Variants in HEXA observed in about 807,000 individuals in gnomAD.
HEXA encodes the protein beta-hexosaminidase subunit alpha.
Under a neutral mutation model 73.3 loss-of-function variants are expected in HEXA, and 54 were observed. That is an observed-to-expected ratio of 0.74 (90% CI 0.59 to 0.92). The LOEUF (loss-of-function observed/expected upper bound fraction) is 0.92, where lower values mean the gene tolerates loss of function less well. Among genes scored for constraint, HEXA ranks in the 40% least tolerant of loss-of-function variants. The probability of loss-of-function intolerance (pLI) is 0.00; values close to 1 mark genes in which losing one functional copy is unlikely to be tolerated. For synonymous variants in HEXA, 230 were observed against 246.9 expected (o/e 0.93, Z 0.64); for missense variants, 649 against 653.0 (o/e 0.99, Z 0.07).
In HEXA at chr15:72,353,744, A is replaced by C; in HGVS notation, c.413-7T>G. ...TGGCTAAAAGTCTCCAGACCTAGGA[A>C]GATGTAGAGAGGCAGAGTAAAGACT... is the stretch of plus-strand genomic sequence containing the variant. On this transcript the variant is annotated splice_region_variant and splice_polypyrimidine_tract_variant and intron_variant, in intron 3 of 13. Transcript: ENST00000268097. The C allele has an allele frequency of 6.2e-7, 1 of 1,605,298 alleles. No homozygotes were observed. Among genetic ancestry groups the C allele is most frequent in the South Asian group, 1.1e-5 (1 of 90,872 alleles).
intron 6 of HEXA, 165 bp downstream of exon 6, chr15:72,350,968 G>A (rs1195544348): frequency 4.4e-6 from 3 of 679,554 alleles, no homozygotes; most frequent in African/African-American, 1.8e-5. Flanking sequence ...TATCGGCAAA[G>A]TTTTGGACTT....
chr15:72,374,239 C>T (rs1043060430), intron 1 of HEXA, among the ~76,000 whole-genome samples: 1 of 151,968 alleles, frequency 6.6e-6, no homozygotes, highest in Non-Finnish European at 1.5e-5. Context: ...TTCCATAAAC[C>T]AGGCTCAAAC....
At position 72,346,240 on chromosome 15, in the gene HEXA, C is replaced by G. The variant is rs369117208; in HGVS notation, c.1416G>C (p.Arg472Ser). The stretch of plus-strand genomic sequence containing the variant: ...TCCCCCCCGAAAACCCTTACCAGAG[C>G]CTGGGGACCAGGTTTGTGTTGTCCA... ...EYVDNTNLVP[R>S]LWPRAGAVAE... Residue 472 changes from arginine to serine, a missense_variant, in exon 12 of 14, where the codon AGG becomes AGC. By Grantham distance (110) the Arg-to-Ser change is moderately radical. Coordinates refer to ENST00000268097, the MANE Select transcript of HEXA (RefSeq NM_000520.6). 2.5e-5 allele frequency: 40 copies of G among 1,613,110 alleles called. No individual in the cohort carries two copies. The African/African-American group carries it at 5.1e-4, about 20-fold the overall frequency.
chr15:72,344,078 C>G lies in HEXA; in HGVS notation c.1589G>C (p.Ter530SerextTer12). ...GFCEQEFEQT[*>S] Reference sequence around the variant, plus strand: ...AGCACCCTCCTCGGTGCCTGGGGCTCAGGTCTGTTCAAACTCCTGCTCACA... The same window carrying G: ...AGCACCCTCCTCGGTGCCTGGGGCTGAGGTCTGTTCAAACTCCTGCTCACA... Residue 530 changes from the stop codon to serine (S), a stop_lost, in exon 14 of 14, where the codon TGA (stop) becomes TCA (serine). Coordinates refer to ENST00000268097, the MANE Select transcript of HEXA (RefSeq NM_000520.6). 1 of 1,613,562 alleles carries G rather than the reference C, an allele frequency of 6.2e-7. No homozygotes were observed. The highest frequency in any genetic ancestry group is 8.5e-7 in the Non-Finnish European group (1 of 1,179,614).
At chr15:72,370,240 G>A (rs1433127964) in intron 1 of HEXA, 2 of 169,448 alleles carry the variant, frequency 1.2e-5, no homozygotes, top group Non-Finnish European at 2.5e-5. Context: ...GTCCTCCAAT[G>A]TATACTGTGT....
At chr15:72,370,960 C>T (rs570549790) in intron 1 of HEXA, among the ~76,000 whole-genome samples, 3 of 152,200 alleles carry the variant, frequency 2.0e-5, no homozygotes, top group Admixed American at 6.5e-5. Flanking sequence ...ACCTTCTTCC[C>T]GTGTTGTTTT....
intron 10 of HEXA, among the ~76,000 whole-genome samples, chr15:72,347,214 T>TTTTTTTTTTTTTTTTTTTTTG (rs2088627428): frequency 8.4e-6 from 1 of 119,316 alleles, no homozygotes; most frequent in Non-Finnish European, 1.9e-5. Flanking sequence ...AGTTCTTAAT[T>TTTTTTTTTTTTTTTTTTTTTG]AAGTTTGTAG....
At chr15:72,348,225 C>G in intron 8 of HEXA, 91 bp from the exon 9 acceptor site, 2 of 848,036 alleles carry the variant, frequency 2.4e-6, no homozygotes, top group Non-Finnish European at 4.0e-6. Context: ...ATAACTTCCT[C>G]TTTTCACCTG....
Position 72,347,553 on chromosome 15 carries a change from G to C in HEXA, c.1146+133C>G, listed in dbSNP as rs552226313. ...CAGCACTCTGTGGCCTTTCTAGAGA[G>C]AAAAGGAGAGTGCTCCGACCATTAA... On this transcript the variant is annotated intron_variant, in intron 10 of 13. Coordinates refer to ENST00000268097, the MANE Select transcript of HEXA (RefSeq NM_000520.6). 2.7e-5 allele frequency: 21 copies of C among 773,372 alleles called. No homozygotes were observed. The African/African-American group carries it at 3.3e-4, about 12-fold the overall frequency. The allele number at this position is 773,372 out of a possible 1,614,324, so 47.9% of individuals were successfully genotyped here. A position where few individuals can be genotyped will look rare whatever the true frequency, so the allele number is the denominator to read the frequency against.
At chr15:72,345,409 C>A (rs1193726907) in intron 13 of HEXA, 37 bp downstream of exon 13, 1 of 1,613,344 alleles carries the variant, frequency 6.2e-7, no homozygotes, top group African/African-American at 1.3e-5. Flanking sequence ...CTGGATCTGG[C>A]CTGCTCCGCC....
At chr15:72,351,307 C>T (rs971528702) in intron 5 of HEXA, 73 bp from the exon 6 acceptor site, 23 of 1,021,014 alleles carry the variant, frequency 2.3e-5, no homozygotes, top group Middle Eastern at 2.0e-4. Context: ...CGATGTTGGG[C>T]GAGCTCTCAG....
At chr15:72,364,269 CA>C (rs933909060) in intron 1 of HEXA, among the ~76,000 whole-genome samples, 4 of 150,330 alleles carry the variant, frequency 2.7e-5, no homozygotes, top group Non-Finnish European at 5.9e-5. Flanking sequence ...GAGACTGTCT[CA>C]AAAAAACCCC....
intron 3 of HEXA, 36 bp downstream of exon 3, chr15:72,355,523 T>G (rs1218630058): frequency 6.8e-7 from 1 of 1,466,168 alleles, no homozygotes; most frequent in African/African-American, 1.4e-5. Context: ...CACATCATCC[T>G]TTCTCTCTCT....
intron 10 of HEXA, 177 bp from the exon 11 acceptor site, chr15:72,346,887 C>T (rs1311018017): frequency 1.5e-6 from 1 of 678,668 alleles, no homozygotes; most frequent in African/African-American, 1.8e-5. Flanking sequence ...GCCAAGGAAT[C>T]CAGGGCCCTA....
chr15:72,344,135 C>T lies in HEXA; in HGVS notation c.1532G>A (p.Gly511Asp), dbSNP rs1448744870. Residue 511 changes from glycine to aspartate, a missense_variant, in exon 14 of 14, where the codon GGT (glycine) becomes GAT (aspartate). Physicochemically the swap from Gly to Asp is moderately conservative, Grantham distance 94. Transcript: ENST00000268097. ...SHFRCELLRR[G>D]VQAQPLNVGF... ...TACATTGAGGGGTTGGGCCTGGACA[C>T]CTCGCCTGCAAGAGGACATGAAGAA... is the stretch of plus-strand genomic sequence containing the variant. 1.2e-6 allele frequency: 2 copies of T among 1,613,662 alleles called. No homozygotes were observed. The highest frequency in any genetic ancestry group is 1.7e-6 in the Non-Finnish European group (2 of 1,179,748).
At chr15:72,369,234 C>T (rs966728500) in intron 1 of HEXA, among the ~76,000 whole-genome samples, 3 of 152,174 alleles carry the variant, frequency 2.0e-5, no homozygotes, top group Non-Finnish European at 2.9e-5. Flanking sequence ...TCATTACAGC[C>T]AGGAATACAG....
intron 1 of HEXA, among the ~76,000 whole-genome samples, chr15:72,365,246 T>C (rs1434529663): frequency 1.3e-5 from 2 of 152,138 alleles, no homozygotes; most frequent in East Asian, 3.9e-4. Flanking sequence ...CACGCCACCG[T>C]GCCCGGCTAA....
intron 7 of HEXA, among the ~76,000 whole-genome samples, chr15:72,350,012 C>T (rs1315228055): frequency 6.6e-6 from 1 of 152,196 alleles, no homozygotes; most frequent in African/African-American, 2.4e-5. Context: ...GATCCACCCG[C>T]CTTGGCCTCC....
In HEXA at chr15:72,375,875, G is replaced by C. The variant is rs1416996557; in HGVS notation, c.98C>G (p.Ser33Cys). Residue 33 changes from serine (S) to cysteine (C), a missense_variant, in exon 1 of 14, where the codon TCC becomes TGC. Ser to Cys is a moderately radical substitution (Grantham distance 112). Transcript: ENST00000268097. ...CGGGTAAAGGACGTAGCGCTGGTCG[G>C]AGGTTTGGAAGTTCTGAGGCCAGGG... ...LWPWPQNFQTSDQRYVLYPNN... is the reference protein window; with the variant it reads ...LWPWPQNFQTCDQRYVLYPNN... The C allele has an allele frequency of 6.2e-7, 1 of 1,614,274 alleles. No homozygotes were observed. The highest frequency in any genetic ancestry group is 8.5e-7 in the Non-Finnish European group (1 of 1,180,052).
Sources: allele counts gnomAD v4.1 joint callset (sites outside exome capture counted in the v4.1 genomes callset), GRCh38; gene constraint gnomAD v4.1.1; transcripts MANE v1.5; gene names NCBI Gene and HGNC (gene_info 2026-07-23, HGNC 2026-07-21).